The following MME variants were observed in gnomAD, a reference collection of about 807,000 sequenced individuals.
The protein encoded by MME is membrane metalloendopeptidase, also known as neprilysin.
MME carries 98 observed loss-of-function variants against 113.2 expected under a neutral mutation model. The observed-to-expected ratio is 0.87, with a 90% CI of 0.74 to 1.02. The LOEUF (loss-of-function observed/expected upper bound fraction) is 1.02. Among genes scored for constraint, MME ranks in the 50% least tolerant of loss-of-function variants. MME has a pLI of 0.00. For missense variants in MME, 836 were observed against 896.0 expected, an observed-to-expected ratio of 0.93 and a Z score of 0.86; for synonymous variants, 292 against 300.6, an observed-to-expected ratio of 0.97 and a Z score of 0.30.
At chr3:155,115,265 A>T in intron 4 of MME, 110 bp downstream of exon 4, 2 of 1,359,280 alleles carry the variant, frequency 1.5e-6, no homozygotes, top group Non-Finnish European at 2.0e-6. Context: ...TTAAAAAGTT[A>T]ATAATCCTTC....
chr3:155,113,997 T>C (rs16824569), intron 3 of MME, among the ~76,000 whole-genome samples: 193 of 152,286 alleles, frequency 1.3e-3, no homozygotes, highest in African/African-American at 4.5e-3. Context: ...ATGTTTACCA[T>C]ACCAAGTTTA....
intron 1 of MME, among the ~76,000 whole-genome samples, chr3:155,072,231 C>G (rs1714597446): frequency 6.6e-6 from 1 of 151,554 alleles, no homozygotes; most frequent in South Asian, 2.1e-4. Context: ...CTCCTTGCCT[C>G]CATCCTTTCC....
At chr3:155,040,582 A>G (rs775026615) in intron 1 of MME, among the ~76,000 whole-genome samples, 16 of 151,980 alleles carry the variant, frequency 1.1e-4, no homozygotes, top group Admixed American at 2.0e-4. Flanking sequence ...AGAAAGGGAG[A>G]TAGAGAAAGA....
At chr3:155,103,879 G>A (rs1006816063) in intron 3 of MME, among the ~76,000 whole-genome samples, 2 of 152,070 alleles carry the variant, frequency 1.3e-5, no homozygotes, top group Admixed American at 6.6e-5. Context: ...GCCAGCTCAC[G>A]CATACATGCA....
rs1720260953 is a variant in MME at position 155,133,016 on chromosome 3, G to T, written c.721-5086G>T. ...AGATTGCACCATTGCACTCCACCCTGGGCAACAAGAGCAAACCCCGTCTAA... is the reference window on the plus strand; with the variant it reads ...AGATTGCACCATTGCACTCCACCCTTGGCAACAAGAGCAAACCCCGTCTAA... On this transcript the variant is annotated intron_variant, in intron 8 of 22. Transcript: ENST00000360490. 2.5e-5 allele frequency among the ~76,000 whole-genome samples: 3 copies of T among 119,668 alleles called. No individual in the cohort carries two copies. In the South Asian group the frequency reaches 7.7e-4, roughly 31 times the overall value. 78.5% of individuals were successfully genotyped at this position (119,668 alleles called of 152,430 possible).
intron 8 of MME, among the ~76,000 whole-genome samples, chr3:155,132,394 G>T (rs1303381478): frequency 6.6e-6 from 1 of 152,122 alleles, no homozygotes; most frequent in Non-Finnish European, 1.5e-5. Context: ...TATCCATGGT[G>T]TTGGGTGTTA....
intron 1 of MME, among the ~76,000 whole-genome samples, chr3:155,053,757 C>A (rs1007164110): frequency 6.6e-6 from 1 of 152,102 alleles, no homozygotes; most frequent in East Asian, 1.9e-4. Context: ...AATATTTGTT[C>A]ATCTTTAAGA....
intron 1 of MME, 108 bp downstream of exon 1, chr3:155,080,574 G>A (rs532739638): frequency 1.3e-4 from 20 of 151,824 alleles, no homozygotes; most frequent in African/African-American, 4.8e-4. Context: ...TCTTCATCTT[G>A]CTTTTAACCT....
intron 14 of MME, among the ~76,000 whole-genome samples, chr3:155,145,487 A>G (rs1345227588): frequency 6.6e-6 from 1 of 152,124 alleles, no homozygotes; most frequent in South Asian, 2.1e-4. Context: ...GCTGTTTACA[A>G]TAAGCTCTTT....
At chr3:155,080,277 G>C (rs1421230587), upstream of MME, 1 of 152,530 alleles carries the variant, frequency 6.6e-6, no homozygotes. Context: ...CTGGAGGAGG[G>C]CTCTGGAAGT....
chr3:155,029,806 G>A (rs151261476), intron 1 of MME, among the ~76,000 whole-genome samples: 36 of 152,118 alleles, frequency 2.4e-4, no homozygotes, highest in African/African-American at 8.4e-4. Flanking sequence ...CTATTTTTCT[G>A]ATAAAATACT....
In MME at chr3:155,042,781, T is replaced by A. The variant is rs75443314; in HGVS notation, c.-11+18457T>A. Among the ~76,000 whole-genome samples, 814 of 151,130 alleles carry A rather than the reference T, an allele frequency of 5.4e-3. 5 individuals carry two copies. Among genetic ancestry groups the A allele is most frequent in the African/African-American group, 0.019 (787 of 41,324 alleles). On this transcript the variant is annotated intron_variant, in intron 1 of 22. Transcript: ENST00000492661. The stretch of plus-strand genomic sequence containing the variant: ...AAGTATCTTTTCATGTTTTTGACCC[T>A]TTACATTTCTTTTTCTGTCAAGTGT...
rs1248116423 is a variant in MME, at chr3:155,125,577, C to T, written c.720+6766C>T. On this transcript the variant is annotated intron_variant, in intron 8 of 22. Transcript: ENST00000360490. ...CTGGTTCAAGCAATTCTCCCAGCCT[C>T]GGCCTCCTGAGTACCTGGGATTACA... 5.3e-5 allele frequency among the ~76,000 whole-genome samples: 8 copies of T among 150,878 alleles called. No homozygotes were observed. In the East Asian group the frequency reaches 5.9e-4, roughly 11 times the overall value.
At chr3:155,134,119 G>C (rs1339359445) in intron 8 of MME, among the ~76,000 whole-genome samples, 1 of 151,926 alleles carries the variant, frequency 6.6e-6, no homozygotes, top group Non-Finnish European at 1.5e-5. Context: ...TTAGTGATTA[G>C]AGTTTTTTAA....
At chr3:155,162,101 A>G (rs952324315) in intron 17 of MME, among the ~76,000 whole-genome samples, 2 of 152,184 alleles carry the variant, frequency 1.3e-5, no homozygotes, top group African/African-American at 2.4e-5. Flanking sequence ...AGAGCAGAAT[A>G]AGGGATGCAG....
chr3:155,078,287 G>A (rs1714838549), upstream of MME, among the ~76,000 whole-genome samples: 1 of 152,190 alleles, frequency 6.6e-6, no homozygotes, highest in Non-Finnish European at 1.5e-5. Context: ...TTATTTGTGG[G>A]AGTGAAAACA....
chr3:155,167,227 A>T (rs542649521), intron 18 of MME, among the ~76,000 whole-genome samples: 1 of 152,146 alleles, frequency 6.6e-6, no homozygotes, highest in South Asian at 2.1e-4. Flanking sequence ...TGTGCTTTAC[A>T]CTCTGGCAGA....
In MME at chr3:155,124,238, C is replaced by T. The variant is rs1488788572; in HGVS notation, c.720+5427C>T. Among the ~76,000 whole-genome samples the T allele has an allele frequency of 2.3e-4, 35 of 151,846 alleles. No individual in the cohort carries two copies. In the East Asian group the frequency reaches 5.8e-3, roughly 25 times the overall value. On this transcript the variant is annotated intron_variant, in intron 8 of 22. Coordinates refer to ENST00000360490, the MANE Select transcript of MME (RefSeq NM_007289.4). ...GCTCCTGAGGCTTCTGCATTCTTCACGTAGTTCTCAAGCCTTGGTTTTCAG... is the reference window on the plus strand; with the variant it reads ...GCTCCTGAGGCTTCTGCATTCTTCATGTAGTTCTCAAGCCTTGGTTTTCAG...
At chr3:155,052,898 T>C (rs1713808196) in intron 1 of MME, among the ~76,000 whole-genome samples, 1 of 152,192 alleles carries the variant, frequency 6.6e-6, no homozygotes. Flanking sequence ...AATGCTTCGG[T>C]GCTTAGAAAT....
Sources: allele counts gnomAD v4.1 joint callset (sites outside exome capture counted in the v4.1 genomes callset), GRCh38; gene constraint gnomAD v4.1.1; transcripts MANE v1.5; gene names NCBI Gene and HGNC (gene_info 2026-07-23, HGNC 2026-07-21).